The following GRID2 variants were observed in gnomAD, a reference collection of about 807,000 sequenced individuals.
GRID2 encodes the protein glutamate receptor ionotropic, delta-2.
Under a neutral mutation model 114.8 loss-of-function variants are expected in GRID2, and 33 were observed. The observed-to-expected ratio is 0.29, with a 90% CI of 0.22 to 0.38. The LOEUF (loss-of-function observed/expected upper bound fraction) is 0.38, where lower values mean the gene tolerates loss of function less well. Among genes scored for constraint, GRID2 ranks in the 10% least tolerant of loss-of-function variants. The pLI is 1.00. For synonymous variants in GRID2, 505 were observed against 449.9 expected (o/e 1.12, Z -1.55); for missense variants, 1,184 against 1,257.7 (o/e 0.94, Z 0.89).
chr4:92,535,690 G>A (rs961660155), intron 1 of GRID2, among the ~76,000 whole-genome samples: 10 of 152,188 alleles, frequency 6.6e-5, no homozygotes, highest in African/African-American at 2.4e-4. Flanking sequence ...AAGTGAACCT[G>A]CCCTAGAAAT....
In GRID2 at chr4:92,474,987, G is replaced by A. The variant is rs1411578339; in HGVS notation, c.89-115144G>A. On this transcript the variant is annotated intron_variant, in intron 1 of 15. Coordinates refer to ENST00000282020, the MANE Select transcript of GRID2 (RefSeq NM_001510.4). ...TTTTTTGGGGGGGGGGTGGAGGGGGGAGGGATAGCATTAGGAGATATACCT... is the reference window on the plus strand; with the variant it reads ...TTTTTTGGGGGGGGGGTGGAGGGGGAAGGGATAGCATTAGGAGATATACCT... Among the ~76,000 whole-genome samples, 7 of 122,714 alleles carry A rather than the reference G, an allele frequency of 5.7e-5. No individual in the cohort carries two copies. The East Asian group carries it at 1.7e-3, about 30-fold the overall frequency. 80.5% of individuals were successfully genotyped at this position (122,714 alleles called of 152,430 possible).
chr4:92,677,977 C>T lies in GRID2; in HGVS notation c.244+87691C>T, dbSNP rs1006959013. On this transcript the variant is annotated intron_variant, in intron 2 of 15. Coordinates refer to ENST00000282020, the MANE Select transcript of GRID2 (RefSeq NM_001510.4). ...AAATCCAGTCATTCCTTAGTCACTC[C>T]ACCCATGCCACATTGACCTCATTTT... Among the ~76,000 whole-genome samples the T allele has an allele frequency of 2.6e-5, 4 of 152,068 alleles. No individual in the cohort carries two copies. In the East Asian group the frequency reaches 5.8e-4, roughly 22 times the overall value.
chr4:93,502,691 T>A (rs1251719583), intron 12 of GRID2, among the ~76,000 whole-genome samples: 2 of 145,122 alleles, frequency 1.4e-5, no homozygotes, highest in Non-Finnish European at 3.0e-5. Flanking sequence ...TTTATTTTAA[T>A]GGCTCTCTCC....
At chr4:93,698,278 A>G (rs991862179) in intron 14 of GRID2, among the ~76,000 whole-genome samples, 3 of 152,058 alleles carry the variant, frequency 2.0e-5, no homozygotes, top group Non-Finnish European at 2.9e-5. Flanking sequence ...AAATTAGTAC[A>G]TGTAGCTAAC....
chr4:93,197,583 A>T (rs1248006040), intron 4 of GRID2, among the ~76,000 whole-genome samples: 6 of 152,166 alleles, frequency 3.9e-5, no homozygotes, highest in African/African-American at 1.4e-4. Flanking sequence ...ATGTTGTCAA[A>T]CATGACCATT....
At chr4:93,083,309 T>G (rs1730038413) in intron 2 of GRID2, among the ~76,000 whole-genome samples, 1 of 152,040 alleles carries the variant, frequency 6.6e-6, no homozygotes, top group Admixed American at 6.5e-5. Context: ...AAGTATACAC[T>G]TATATTATTT....
At chr4:93,770,143 G>A (rs902459259) in intron 15 of GRID2, among the ~76,000 whole-genome samples, 27 of 152,086 alleles carry the variant, frequency 1.8e-4, no homozygotes, top group African/African-American at 4.3e-4. Context: ...AGAAGTATGA[G>A]ACTTATAAAT....
intron 2 of GRID2, among the ~76,000 whole-genome samples, chr4:93,004,454 C>A (rs1721302661): frequency 6.6e-6 from 1 of 152,150 alleles, no homozygotes; most frequent in African/African-American, 2.4e-5. Flanking sequence ...AAACTATCTT[C>A]ATGTACTTAA....
chr4:92,842,169 C>T (rs916600940), intron 2 of GRID2, among the ~76,000 whole-genome samples: 1 of 152,096 alleles, frequency 6.6e-6, no homozygotes. Flanking sequence ...GATCATTAAA[C>T]AGCATGCATT....
chr4:93,122,890 GTTTT>G (rs886185779), intron 4 of GRID2, among the ~76,000 whole-genome samples: 1 of 69,802 alleles, frequency 1.4e-5, no homozygotes, highest in African/African-American at 6.2e-5. Flanking sequence ...ACAGATGTGG[GTTTT>G]TTTTTTTTTT....
intron 14 of GRID2, among the ~76,000 whole-genome samples, chr4:93,708,185 A>C (rs1728173915): frequency 6.6e-6 from 1 of 152,032 alleles, no homozygotes; most frequent in African/African-American, 2.4e-5. Flanking sequence ...TGTTCTTTGA[A>C]TATCTCTTAT....
At chr4:93,043,288 T>A (rs1249082351) in intron 2 of GRID2, among the ~76,000 whole-genome samples, 4 of 152,216 alleles carry the variant, frequency 2.6e-5, no homozygotes, top group Non-Finnish European at 5.9e-5. Flanking sequence ...ACTTGCTGAT[T>A]GACCTTCTAC....
chr4:92,373,907 G>C (rs1426200744), intron 1 of GRID2, among the ~76,000 whole-genome samples: 1 of 152,138 alleles, frequency 6.6e-6, no homozygotes, highest in Non-Finnish European at 1.5e-5. Context: ...CATACAGCTA[G>C]TAAGGAGCAA....
At chr4:92,919,772 G>C (rs184037506) in intron 2 of GRID2, among the ~76,000 whole-genome samples, 20 of 152,218 alleles carry the variant, frequency 1.3e-4, no homozygotes, top group South Asian at 8.3e-4. Flanking sequence ...TTACTTCCAA[G>C]TATGTGGTCA....
At chr4:93,076,678 C>T (rs892552356) in intron 2 of GRID2, among the ~76,000 whole-genome samples, 4 of 144,458 alleles carry the variant, frequency 2.8e-5, no homozygotes, top group Admixed American at 7.1e-5. Flanking sequence ...AGTGCAATGG[C>T]GCAATCTCGG....
chr4:93,506,885 CAGGA>C (rs1728684475), intron 12 of GRID2, among the ~76,000 whole-genome samples: 2 of 152,154 alleles, frequency 1.3e-5, no homozygotes, highest in African/African-American at 2.4e-5. Context: ...GGCACCATAA[CAGGA>C]AGGAAGACAC....
At chr4:93,476,718 A>G (rs903348044) in intron 11 of GRID2, among the ~76,000 whole-genome samples, 1 of 152,140 alleles carries the variant, frequency 6.6e-6, no homozygotes, top group Admixed American at 6.6e-5. Context: ...ACAAAATGCT[A>G]CGTAGTAGAA....
rs560407620 is a variant in GRID2 at position 92,409,274 on chromosome 4, C to G, written c.88+104530C>G. Among the ~76,000 whole-genome samples, 44 of 152,154 alleles carry G rather than the reference C, an allele frequency of 2.9e-4. No homozygotes were observed. The South Asian group carries it at 6.2e-3, about 22-fold the overall frequency. On this transcript the variant is annotated intron_variant, in intron 1 of 15. Coordinates refer to ENST00000282020, the MANE Select transcript of GRID2 (RefSeq NM_001510.4). ...TAACAACAGAGGCATGAAGAGACAG[C>G]CTTCTTTTCCCTTATTTCCCTCATT...
intron 1 of GRID2, among the ~76,000 whole-genome samples, chr4:92,348,381 C>T (rs149111750): frequency 4.3e-4 from 65 of 152,128 alleles, no homozygotes; most frequent in African/African-American, 1.5e-3. Flanking sequence ...AAATTATTTC[C>T]TTGACAGGGA....
Sources: allele counts gnomAD v4.1 joint callset (sites outside exome capture counted in the v4.1 genomes callset), GRCh38; gene constraint gnomAD v4.1.1; transcripts MANE v1.5; gene names NCBI Gene and HGNC (gene_info 2026-07-23, HGNC 2026-07-21).